Variants in LUC7L2 observed in about 807,000 individuals in gnomAD.
The protein encoded by LUC7L2 is LUC7 like 2, pre-mRNA splicing factor.
In LUC7L2, 25 loss-of-function variants were observed where a neutral mutation model predicts 52.8. That is an observed-to-expected ratio of 0.47 (90% CI 0.34 to 0.66). The LOEUF is 0.66. LUC7L2 is among the 30% of genes least tolerant of loss of function. The pLI is 0.01. For missense variants in LUC7L2, 328 were observed against 497.8 expected, an observed-to-expected ratio of 0.66 and a Z score of 3.25; for synonymous variants, 144 against 160.9, an observed-to-expected ratio of 0.89 and a Z score of 0.80.
At chr7:139,379,510 T>TA (rs1430077933) in intron 2 of LUC7L2, among the ~76,000 whole-genome samples, 2 of 145,908 alleles carry the variant, frequency 1.4e-5, no homozygotes, top group African/African-American at 5.1e-5. Flanking sequence ...AAAATGCACT[T>TA]ACAACATTTT....
chr7:139,356,351 C>T (rs144170751), upstream of LUC7L2, among the ~76,000 whole-genome samples: 1,930 of 148,266 alleles, frequency 0.013, 47 homozygotes, highest in African/African-American at 0.045. Context: ...AAAGGAACCT[C>T]CAACCTAGGA....
chr7:139,387,021 G>T (rs1197370838), intron 2 of LUC7L2, among the ~76,000 whole-genome samples: 1 of 151,724 alleles, frequency 6.6e-6, no homozygotes, highest in Non-Finnish European at 1.5e-5. Flanking sequence ...TGTATTTGTA[G>T]TAGAGACAGG....
chr7:139,381,878 A>ATTTTTTTTTTTTTT (rs57302073), intron 2 of LUC7L2, among the ~76,000 whole-genome samples: 2 of 105,176 alleles, frequency 1.9e-5, no homozygotes, highest in Non-Finnish European at 1.9e-5. Context: ...GCCTGGCCTA[A>ATTTTTTTTTTTTTT]TTTTTTTTTT....
chr7:139,414,109 C>T (rs994144284), intron 8 of LUC7L2, among the ~76,000 whole-genome samples: 1 of 152,174 alleles, frequency 6.6e-6, no homozygotes, highest in South Asian at 2.1e-4. Context: ...TGTAACTGGG[C>T]TCCTTAGTTC....
intron 1 of LUC7L2, among the ~76,000 whole-genome samples, chr7:139,352,131 G>A (rs564882562): frequency 6.6e-6 from 1 of 152,122 alleles, no homozygotes; most frequent in Non-Finnish European, 1.5e-5. Flanking sequence ...GGAATTAGAG[G>A]CTGCAGTGAG....
intron 1 of LUC7L2, among the ~76,000 whole-genome samples, chr7:139,370,564 T>C (rs1800392728): frequency 6.6e-6 from 1 of 152,142 alleles, no homozygotes; most frequent in African/African-American, 2.4e-5. Context: ...TTCAAGCGAT[T>C]CTCCCACCCC....
intron 2 of LUC7L2, among the ~76,000 whole-genome samples, chr7:139,383,734 T>C (rs1187125857): frequency 6.7e-6 from 1 of 149,160 alleles, no homozygotes; most frequent in Non-Finnish European, 1.5e-5. Flanking sequence ...TTTTTTTTTT[T>C]CTTTTTTCTT....
At chr7:139,359,753 A>C, upstream of LUC7L2, 1 of 400,132 alleles carries the variant, frequency 2.5e-6, no homozygotes. Context: ...GATCCGGGGT[A>C]AAGGGGCGGG....
At chr7:139,378,448 C>A (rs1199587735) in intron 2 of LUC7L2, among the ~76,000 whole-genome samples, 2 of 151,896 alleles carry the variant, frequency 1.3e-5, no homozygotes, top group Non-Finnish European at 2.9e-5. Context: ...GGTGGTATTT[C>A]CTGAAGTCCT....
chr7:139,407,485 A>T (rs1795177581), intron 6 of LUC7L2, 135 bp downstream of exon 6: 1 of 1,054,344 alleles, frequency 9.5e-7, no homozygotes, highest in Admixed American at 4.1e-5. Context: ...GTAGGATTAT[A>T]GATGGAAATT....
upstream of LUC7L2, among the ~76,000 whole-genome samples, chr7:139,358,535 T>TAA (rs1431173225): frequency 2.6e-5 from 4 of 152,358 alleles, no homozygotes; most frequent in East Asian, 5.8e-4. Context: ...TATACAGTGT[T>TAA]AATGGAACAC....
rs1795185156 is a variant in LUC7L2, at chr7:139,407,714, TATTA to T, written c.687+368_687+371del. Among the ~76,000 whole-genome samples the T allele has an allele frequency of 2.6e-5, 4 of 152,146 alleles. No individual in the cohort carries two copies. The South Asian group carries it at 8.3e-4, about 31-fold the overall frequency. On this transcript the variant is annotated intron_variant, in intron 6 of 9. Coordinates refer to ENST00000354926, the MANE Select transcript of LUC7L2 (RefSeq NM_016019.5). Reference sequence around the variant, plus strand: ...AAGAAGTTTGAGAAAATGAACCCAATATTAATTTGAAATATTTTGCAATTCTTTA... The same window carrying T: ...AAGAAGTTTGAGAAAATGAACCCAATATTTGAAATATTTTGCAATTCTTTA...
intron 2 of LUC7L2, among the ~76,000 whole-genome samples, chr7:139,377,045 G>A (rs746945764): frequency 3.9e-5 from 6 of 152,172 alleles, no homozygotes; most frequent in Non-Finnish European, 7.4e-5. Flanking sequence ...CTTTTTCCAG[G>A]AGGAAAGACA....
At chr7:139,410,914 C>T (rs1439154228) in intron 7 of LUC7L2, among the ~76,000 whole-genome samples, 1 of 150,798 alleles carries the variant, frequency 6.6e-6, no homozygotes, top group East Asian at 1.9e-4. Context: ...TATATGGTCC[C>T]TTTTTAGGAG....
intron 2 of LUC7L2, among the ~76,000 whole-genome samples, chr7:139,382,007 C>T (rs772009659): frequency 2.0e-5 from 3 of 151,702 alleles, no homozygotes; most frequent in Non-Finnish European, 4.4e-5. Context: ...GCCTCAGCCT[C>T]CCGAGCAGCT....
intron 2 of LUC7L2, among the ~76,000 whole-genome samples, chr7:139,393,253 C>T (rs1175401594): frequency 1.3e-5 from 2 of 151,490 alleles, no homozygotes; most frequent in East Asian, 2.0e-4. Context: ...GGCAACAGAG[C>T]GAGACTCTGT....
intron 6 of LUC7L2, among the ~76,000 whole-genome samples, chr7:139,409,152 G>A (rs1795243321): frequency 6.6e-6 from 1 of 151,748 alleles, no homozygotes; most frequent in South Asian, 2.1e-4. Context: ...AAAATAATAA[G>A]ATCATAGGCC....
chr7:139,385,096 ATTAC>A (rs1794135018), intron 2 of LUC7L2, among the ~76,000 whole-genome samples: 2 of 152,090 alleles, frequency 1.3e-5, no homozygotes, highest in African/African-American at 4.8e-5. Flanking sequence ...ACTTTTGTGT[ATTAC>A]TTGTATTAAT....
At chr7:139,350,022 A>G (rs565220140) in intron 1 of LUC7L2, among the ~76,000 whole-genome samples, 22 of 152,246 alleles carry the variant, frequency 1.4e-4, no homozygotes, top group Admixed American at 7.2e-4. Flanking sequence ...TGTTGTCACT[A>G]TAGATTTGGC....
Sources: allele counts gnomAD v4.1 joint callset (sites outside exome capture counted in the v4.1 genomes callset), GRCh38; gene constraint gnomAD v4.1.1; transcripts MANE v1.5; gene names NCBI Gene and HGNC (gene_info 2026-07-23, HGNC 2026-07-21).